Variants in BAZ2B observed in about 807,000 individuals in gnomAD.
BAZ2B encodes the protein bromodomain adjacent to zinc finger domain protein 2B.
Under a neutral mutation model 246.0 loss-of-function variants are expected in BAZ2B, and 91 were observed. The ratio of observed to expected loss-of-function variants is 0.37; its 90% CI spans 0.31 to 0.44. BAZ2B has a LOEUF of 0.44. Among genes scored for constraint, BAZ2B ranks in the 20% least tolerant of loss-of-function variants. The pLI is 1.00. For missense variants in BAZ2B, 2,332 were observed against 2,533.7 expected (o/e 0.92, Z 1.71); for synonymous variants, 855 against 860.0 (o/e 0.99, Z 0.10).
rs913753701 is a variant in BAZ2B, at chr2:159,358,135, G to A, written c.4214-7778C>T. On this transcript the variant is annotated intron_variant, in intron 27 of 36. Coordinates refer to ENST00000392783, the MANE Select transcript of BAZ2B (RefSeq NM_013450.4). ...ACAACATTAACCTTAAATGTAAACA[G>A]GCTAAATGCCCCAATTAAAAGACAC... Among the ~76,000 whole-genome samples the A allele has an allele frequency of 2.6e-5, 4 of 152,278 alleles. No homozygotes were observed. The South Asian group carries it at 6.2e-4, about 24-fold the overall frequency.
chr2:159,590,108 A>AC (rs1287225393), intron 1 of BAZ2B, among the ~76,000 whole-genome samples: 1 of 143,120 alleles, frequency 7.0e-6, no homozygotes, highest in African/African-American at 2.6e-5. Context: ...AATCGCTTGA[A>AC]CCTGGGAGGC....
the BAZ2B span, among the ~76,000 whole-genome samples, chr2:159,708,698 C>T: frequency 6.6e-6 from 1 of 151,908 alleles, no homozygotes; most frequent in Non-Finnish European, 1.5e-5. Flanking sequence ...CCTCAGCCTC[C>T]CAAGTAGCTG....
chr2:159,446,635 G>A, intron 6 of BAZ2B, 147 bp downstream of exon 6: 1 of 630,084 alleles, frequency 1.6e-6, no homozygotes. Context: ...TATTTATACT[G>A]GTACTGACAC....
intron 16 of BAZ2B, among the ~76,000 whole-genome samples, chr2:159,401,227 T>C (rs2065015871): frequency 6.6e-6 from 1 of 152,204 alleles, no homozygotes; most frequent in African/African-American, 2.4e-5. Flanking sequence ...TTAAACTATA[T>C]AGCCTGAAGA....
At chr2:159,591,948 T>C (rs1689487033) in intron 1 of BAZ2B, among the ~76,000 whole-genome samples, 1 of 151,976 alleles carries the variant, frequency 6.6e-6, no homozygotes, top group Non-Finnish European at 1.5e-5. Context: ...GGCAAGACGC[T>C]ATCTCTACAA....
At position 159,462,979 on chromosome 2, in the gene BAZ2B, T is replaced by C. The variant is rs951220691; in HGVS notation, c.146-9178A>G. On this transcript the variant is annotated intron_variant, in intron 3 of 36. Transcript: ENST00000392783. ...AAGTGATCAAATGTAAAGGAAATTT[T>C]GTTTCTTGGATCTAAAACTCTGCTA... 3.3e-6 allele frequency: 3 copies of C among 918,578 alleles called. No homozygotes were observed. The Admixed American group carries it at 5.4e-5, about 16-fold the overall frequency. 56.9% of individuals were successfully genotyped at this position (918,578 alleles called of 1,614,324 possible).
the BAZ2B span, among the ~76,000 whole-genome samples, chr2:159,666,524 T>A: frequency 6.6e-6 from 1 of 152,152 alleles, no homozygotes; most frequent in African/African-American, 2.4e-5. Context: ...GCCTCCAAAG[T>A]GCTGGGATTA....
intron 3 of BAZ2B, among the ~76,000 whole-genome samples, chr2:159,471,011 A>G (rs1341632214): frequency 2.0e-5 from 3 of 152,040 alleles, no homozygotes; most frequent in African/African-American, 4.8e-5. Context: ...ATTTATGAGT[A>G]CAGGAATCTG....
intron 13 of BAZ2B, among the ~76,000 whole-genome samples, chr2:159,414,812 A>C (rs1576745720): frequency 7.6e-6 from 1 of 132,346 alleles, no homozygotes; most frequent in Non-Finnish European, 1.7e-5. Flanking sequence ...GCGAGACTCC[A>C]CCTCAAAAAA....
the BAZ2B span, among the ~76,000 whole-genome samples, chr2:159,626,511 TAAGA>T: frequency 6.6e-6 from 1 of 152,282 alleles, no homozygotes; most frequent in South Asian, 2.1e-4. Flanking sequence ...AACTCAGGAT[TAAGA>T]AACTCACTCA....
chr2:159,454,898 G>A (rs1393402972), intron 3 of BAZ2B, among the ~76,000 whole-genome samples: 1 of 152,120 alleles, frequency 6.6e-6, no homozygotes, highest in African/African-American at 2.4e-5. Context: ...AGGTTGGAAT[G>A]TTATATGATA....
intron 20 of BAZ2B, among the ~76,000 whole-genome samples, chr2:159,393,602 G>A (rs2063604951): frequency 6.8e-6 from 1 of 146,638 alleles, no homozygotes; most frequent in Non-Finnish European, 1.5e-5. Context: ...ATTTGCCCAT[G>A]AGTATTCTGT....
chr2:159,631,037 A>C, the BAZ2B span, among the ~76,000 whole-genome samples: 1 of 152,094 alleles, frequency 6.6e-6, no homozygotes, highest in African/African-American at 2.4e-5. Flanking sequence ...TTACAAAAAA[A>C]TTTTAAAATT....
rs570359067 is a variant in BAZ2B, at chr2:159,457,642, A to G, written c.146-3841T>C. Among the ~76,000 whole-genome samples, 287 of 152,334 alleles carry G rather than the reference A, an allele frequency of 1.9e-3. 1 individual carries two copies. Among genetic ancestry groups the G allele is most frequent in the African/African-American group, 6.6e-3 (273 of 41,588 alleles). On this transcript the variant is annotated intron_variant, in intron 3 of 36. Coordinates refer to ENST00000392783, the MANE Select transcript of BAZ2B (RefSeq NM_013450.4). ...GGTCACATGTTGGATTTGATCACAC[A>G]GAATCCTACCACCTCCAGGATCTTA... is the stretch of plus-strand genomic sequence containing the variant.
chr2:159,697,570 A>G, the BAZ2B span, among the ~76,000 whole-genome samples: 1 of 152,188 alleles, frequency 6.6e-6, no homozygotes, highest in Non-Finnish European at 1.5e-5. Context: ...ATAAATAAGT[A>G]GTTTATCACC....
chr2:159,482,936 G>A (rs1036854972), intron 2 of BAZ2B, among the ~76,000 whole-genome samples: 10 of 152,090 alleles, frequency 6.6e-5, no homozygotes, highest in African/African-American at 1.2e-4. Context: ...TAGGGCCAGA[G>A]CATCCACATC....
the BAZ2B span, among the ~76,000 whole-genome samples, chr2:159,644,166 GA>G: frequency 6.6e-6 from 1 of 152,224 alleles, no homozygotes; most frequent in African/African-American, 2.4e-5. Flanking sequence ...TCATCTTGAG[GA>G]AAAATTCTTC....
At chr2:159,607,610 A>G (rs1693800932) in intron 1 of BAZ2B, among the ~76,000 whole-genome samples, 1 of 152,134 alleles carries the variant, frequency 6.6e-6, no homozygotes, top group African/African-American at 2.4e-5. Context: ...TGGAAGAGGT[A>G]TGGGTTGGGG....
intron 2 of BAZ2B, among the ~76,000 whole-genome samples, chr2:159,511,505 C>A (rs2082922112): frequency 6.6e-6 from 1 of 152,122 alleles, no homozygotes; most frequent in Non-Finnish European, 1.5e-5. Context: ...CGCGCCCAGC[C>A]TCTCTGGACA....
Sources: gnomAD v4.1 joint callset for allele counts (sites outside exome capture counted in the v4.1 genomes callset) on GRCh38, gnomAD v4.1.1 for gene constraint, MANE v1.5 for transcripts, NCBI Gene and HGNC (gene_info 2026-07-23, HGNC 2026-07-21) for gene names.